The following CIB4 variants were observed in gnomAD, a reference collection of about 807,000 sequenced individuals.
The protein encoded by CIB4 is calcium and integrin-binding family member 4.
CIB4 carries 25 observed loss-of-function variants against 25.8 expected under a neutral mutation model. The observed-to-expected ratio is 0.97, with a 90% CI of 0.71 to 1.35. The LOEUF is 1.35. CIB4 is among the 40% of genes most tolerant of loss of function. The pLI, the probability that CIB4 is intolerant of heterozygous loss-of-function variation, is 0.00. For missense variants in CIB4, 235 were observed against 228.2 expected (o/e 1.03, Z -0.19); for synonymous variants, 75 against 81.4 (o/e 0.92, Z 0.42).
chr2:26,622,235 C>T (rs962824873), intron 3 of CIB4, among the ~76,000 whole-genome samples: 2 of 152,036 alleles, frequency 1.3e-5, no homozygotes, highest in African/African-American at 4.8e-5. Flanking sequence ...GTGGCGGGCA[C>T]CTGTAATCCC....
intron 2 of CIB4, among the ~76,000 whole-genome samples, chr2:26,634,939 G>A (rs1330837120): frequency 4.6e-5 from 7 of 152,248 alleles, no homozygotes; most frequent in African/African-American, 1.4e-4. Context: ...AGGCTGACCT[G>A]CGCCTGAGAC....
At chr2:26,621,430 T>C (rs1393367252) in intron 3 of CIB4, among the ~76,000 whole-genome samples, 3 of 152,122 alleles carry the variant, frequency 2.0e-5, no homozygotes, top group Non-Finnish European at 4.4e-5. Flanking sequence ...CCAGTTTCAG[T>C]GGCATGCACA....
chr2:26,591,029 C>T (rs572813330), intron 4 of CIB4, among the ~76,000 whole-genome samples: 1 of 152,240 alleles, frequency 6.6e-6, no homozygotes, highest in Non-Finnish European at 1.5e-5. Context: ...GGAGAACCTT[C>T]TGCTCACCTC....
At chr2:26,583,685 C>A in intron 5 of CIB4, 104 bp downstream of exon 5, 2 of 762,524 alleles carry the variant, frequency 2.6e-6, no homozygotes, top group Non-Finnish European at 4.7e-6. Flanking sequence ...CAGGCTGGCC[C>A]TGGGTCTCCT....
intron 3 of CIB4, among the ~76,000 whole-genome samples, chr2:26,599,796 C>T (rs1392457954): frequency 2.0e-5 from 3 of 152,054 alleles, no homozygotes; most frequent in South Asian, 2.1e-4. Context: ...TATGATTGGC[C>T]GGGCATGGTG....
intron 1 of CIB4, among the ~76,000 whole-genome samples, chr2:26,640,908 A>G (rs1474850312): frequency 6.6e-6 from 1 of 152,208 alleles, no homozygotes; most frequent in African/African-American, 2.4e-5. Flanking sequence ...GATTTAGCAA[A>G]GAGAGGGACC....
intron 4 of CIB4, among the ~76,000 whole-genome samples, chr2:26,587,047 C>CT (rs1416938153): frequency 6.6e-6 from 1 of 152,138 alleles, no homozygotes. Context: ...ACATTCACGC[C>CT]TGTAATCCCA....
At chr2:26,621,745 T>A (rs1053453320) in intron 3 of CIB4, among the ~76,000 whole-genome samples, 2 of 152,060 alleles carry the variant, frequency 1.3e-5, no homozygotes, top group Non-Finnish European at 2.9e-5. Flanking sequence ...GAATCTGAGA[T>A]GGTCATGAAA....
intron 4 of CIB4, among the ~76,000 whole-genome samples, chr2:26,586,702 G>A (rs763263359): frequency 5.3e-5 from 8 of 152,182 alleles, no homozygotes; most frequent in Non-Finnish European, 1.2e-4. Flanking sequence ...TCACTTAATG[G>A]GAAGTCTATG....
intron 3 of CIB4, among the ~76,000 whole-genome samples, chr2:26,624,145 G>C (rs534090645): frequency 6.6e-6 from 1 of 152,226 alleles, no homozygotes; most frequent in Non-Finnish European, 1.5e-5. Flanking sequence ...CTTTTTCCAC[G>C]AGTGAACCCA....
chr2:26,598,439 G>A (rs1157699590), intron 3 of CIB4, among the ~76,000 whole-genome samples: 4 of 152,136 alleles, frequency 2.6e-5, no homozygotes, highest in Admixed American at 2.6e-4. Flanking sequence ...AGGGGGCCAC[G>A]GGACCAGAGG....
At chr2:26,623,082 G>A (rs944066920) in intron 3 of CIB4, among the ~76,000 whole-genome samples, 1 of 151,980 alleles carries the variant, frequency 6.6e-6, no homozygotes, top group Non-Finnish European at 1.5e-5. Flanking sequence ...GGTGGTTCAT[G>A]CCTCTAATCC....
At position 26,588,978 on chromosome 2, in the gene CIB4, T is replaced by TTTCTTCTTCTTCTCCTTCTTC. The variant is rs1668508211; in HGVS notation, c.329-5081_329-5080insGAAGAAGGAGAAGAAGAAGAA. On this transcript the variant is annotated intron_variant, in intron 4 of 6. Transcript: ENST00000288861. ...CTGCTGCCGCTGCTGCCGCTTCTTC[T>TTTCTTCTTCTTCTCCTTCTTC]TTCTTCTTCTTCTTCTTCTTCTTCT... Among the ~76,000 whole-genome samples the TTTCTTCTTCTTCTCCTTCTTC allele has an allele frequency of 7.3e-4, 51 of 69,934 alleles. 11 individuals carry two copies. The highest frequency in any genetic ancestry group is 2.6e-3 in the African/African-American group (47 of 18,378). 45.9% of individuals were successfully genotyped at this position (69,934 alleles called of 152,430 possible).
At chr2:26,589,681 T>C (rs115295144) in intron 4 of CIB4, among the ~76,000 whole-genome samples, 429 of 152,286 alleles carry the variant, frequency 2.8e-3, no homozygotes, top group African/African-American at 0.01. Flanking sequence ...TAACTGCAGT[T>C]TCTTTTCAGG....
At chr2:26,586,037 C>G (rs1255564034) in intron 4 of CIB4, among the ~76,000 whole-genome samples, 1 of 152,160 alleles carries the variant, frequency 6.6e-6, no homozygotes, top group Non-Finnish European at 1.5e-5. Flanking sequence ...CCCGCACTTC[C>G]CATGCACTAC....
chr2:26,592,536 T>C lies in CIB4; in HGVS notation c.328+2640A>G, dbSNP rs1045817287. On this transcript the variant is annotated intron_variant, in intron 4 of 6. Transcript: ENST00000288861. ...TTTGGGGCCATTATGTCTTCAAATATCTTTTCTGCACCGGTCACTCTCTCC... is the reference window on the plus strand; with the variant it reads ...TTTGGGGCCATTATGTCTTCAAATACCTTTTCTGCACCGGTCACTCTCTCC... 2.6e-5 allele frequency among the ~76,000 whole-genome samples: 4 copies of C among 152,324 alleles called. No homozygotes were observed. In the South Asian group the frequency reaches 8.3e-4, roughly 32 times the overall value.
At chr2:26,610,149 G>C (rs1220771194) in intron 3 of CIB4, among the ~76,000 whole-genome samples, 1 of 152,208 alleles carries the variant, frequency 6.6e-6, no homozygotes, top group Non-Finnish European at 1.5e-5. Context: ...TGGTGTCAGG[G>C]CTGCTTTGCA....
chr2:26,626,296 G>A (rs898185163), intron 3 of CIB4, among the ~76,000 whole-genome samples: 5 of 150,004 alleles, frequency 3.3e-5, no homozygotes, highest in African/African-American at 9.8e-5. Flanking sequence ...AGTTCTCTAG[G>A]TGGGGCAATG....
chr2:26,624,545 G>A lies in CIB4; in HGVS notation c.186+4865C>T, dbSNP rs951180402. On this transcript the variant is annotated intron_variant, in intron 3 of 6. Transcript: ENST00000288861. ...AAAGGGGGTGTGTCTGAAAACACTC[G>A]AGGCTTCTTACATTTTTGTTTTAAA... Among the ~76,000 whole-genome samples, 28 of 152,038 alleles carry A rather than the reference G, an allele frequency of 1.8e-4. 2 individuals are homozygous for A. Among genetic ancestry groups the A allele is most frequent in the Admixed American group, 2.0e-4 (3 of 15,264 alleles).
Sources: allele counts gnomAD v4.1 joint callset (sites outside exome capture counted in the v4.1 genomes callset), GRCh38; gene constraint gnomAD v4.1.1; transcripts MANE v1.5; gene names NCBI Gene and HGNC (gene_info 2026-07-23, HGNC 2026-07-21).